GRK2: variants seen among roughly 807,000 people sequenced by gnomAD.
The protein encoded by GRK2 is adrenergic beta receptor kinase 1.
In GRK2, 23 loss-of-function variants were observed where a neutral mutation model predicts 97.8. That is an observed-to-expected ratio of 0.24 (90% confidence interval 0.17 to 0.33). The LOEUF is 0.33. Among genes scored for constraint, GRK2 ranks in the 10% least tolerant of loss-of-function variants. GRK2 has a pLI of 1.00. For missense variants in GRK2, 633 were observed against 956.9 expected (o/e 0.66, Z 4.47); for synonymous variants, 425 against 381.7 (o/e 1.11, Z -1.32).
intron 1 of GRK2, among the ~76,000 whole-genome samples, chr11:67,274,116 G>A (rs1306092601): frequency 1.3e-5 from 2 of 151,190 alleles, no homozygotes; most frequent in African/African-American, 4.9e-5. Flanking sequence ...GGGTTCAAGC[G>A]ATTCTTCTGC....
intron 2 of GRK2, among the ~76,000 whole-genome samples, chr11:67,278,120 A>G (rs1008103046): frequency 6.6e-6 from 1 of 152,220 alleles, no homozygotes; most frequent in African/African-American, 2.4e-5. Context: ...CATGAGTCCG[A>G]CTGTGCAGGC....
At position 67,286,490 on chromosome 11, in the gene GRK2, G is replaced by C. The variant is rs1385516817; in HGVS notation, c.*1040G>C. On this transcript the variant is annotated 3_prime_UTR_variant, in exon 21 of 21. Coordinates refer to ENST00000308595, the MANE Select transcript of GRK2 (RefSeq NM_001619.5). The stretch of plus-strand genomic sequence containing the variant: ...TCATTCCCCGGGGCGTTTCTTTGCC[G>C]ATTTTTGAATGTGATTTTAAAGAGT... 2.9e-6 allele frequency: 2 copies of C among 700,670 alleles called. No individual in the cohort carries two copies. The highest frequency in any genetic ancestry group is 1.5e-5 in the South Asian group (1 of 67,464). The allele number at this position is 700,670 out of a possible 1,614,324, so 43.4% of individuals were successfully genotyped here. A position where few individuals can be genotyped will look rare whatever the true frequency, so the allele number is the denominator to read the frequency against.
chr11:67,269,097 G>A lies in GRK2; in HGVS notation c.113+2285G>A, dbSNP rs1467360338. Among the ~76,000 whole-genome samples, 1 of 152,238 alleles carries A rather than the reference G, an allele frequency of 6.6e-6. No individual in the cohort carries two copies. Among genetic ancestry groups the A allele is most frequent in the Non-Finnish European group, 1.5e-5 (1 of 68,038 alleles). On this transcript the variant is annotated intron_variant, in intron 1 of 20. Coordinates refer to ENST00000308595, the MANE Select transcript of GRK2 (RefSeq NM_001619.5). The surrounding 1 kb of genome is among the most constrained non-coding windows in gnomAD (Gnocchi z 4.1). ...AAGGGCTACTGGCCACCCCTACATG[G>A]GGGTCCAGGCCTGGGGCATTAGGGA...
Position 67,286,425 on chromosome 11 carries a change from C to T in GRK2, c.*975C>T, listed in dbSNP as rs527336116. On this transcript the variant is annotated 3_prime_UTR_variant, in exon 21 of 21. Coordinates refer to ENST00000308595, the MANE Select transcript of GRK2 (RefSeq NM_001619.5). ...GCCTGTGTGGTGTCGCGCCTTCTCC[C>T]CCCCGGGGCTGGGTTGGCGCACCCT... 7 of 699,870 alleles carry T rather than the reference C, an allele frequency of 1.0e-5. No homozygotes were observed. Among genetic ancestry groups the T allele is most frequent in the African/African-American group, 5.2e-5 (3 of 57,156 alleles). The allele number at this position is 699,870 out of a possible 1,614,324, so 43.4% of individuals were successfully genotyped here.
rs1320861437 is a variant in GRK2, at chr11:67,279,660, G to C, written c.401G>C (p.Gly134Ala). ...FSKSATEHVQ[G>A]HLGKKQVPPD... ...AAGAGTGCCACTGAGCATGTCCAAG[G>C]CCACCTGGGGAAGAAGCAGGTGCCT... The change falls in exon 5 of 21, where the codon GGC (glycine) becomes GCC (alanine). Residue 134 changes from glycine (G) to alanine (A), a missense_variant. Around this residue, in one of 4 missense-constraint regions of GRK2, gnomAD observed 193 missense variants for 212.2 expected, o/e 0.91. Transcript: ENST00000308595. 1.2e-6 allele frequency: 2 copies of C among 1,613,536 alleles called. No homozygotes were observed. The highest frequency in any genetic ancestry group is 1.3e-5 in the African/African-American group (1 of 75,028).
At chr11:67,280,876 A>G (rs1376490689) in intron 7 of GRK2, 93 bp downstream of exon 7, 1 of 1,451,434 alleles carries the variant, frequency 6.9e-7, no homozygotes, top group Non-Finnish European at 9.6e-7. Flanking sequence ...GGGGGAGGTC[A>G]GGGGATGTCT....
intron 6 of GRK2, chr11:67,280,375 G>C: frequency 2.4e-6 from 1 of 418,682 alleles, no homozygotes; most frequent in East Asian, 5.1e-5. Context: ...CAGCCATGGA[G>C]TGAGCTCTGT....
rs768122948 is a variant in GRK2, at chr11:67,285,453, C to T, written c.*3C>T. ...GCGGCAGTGCCAACGGCCTCTGACC[C>T]GCCCACCCGCCTTTTATAAACCTCT... On this transcript the variant is annotated 3_prime_UTR_variant, in exon 21 of 21. Coordinates refer to ENST00000308595, the MANE Select transcript of GRK2 (RefSeq NM_001619.5). 1.1e-4 allele frequency: 161 copies of T among 1,533,192 alleles called. No homozygotes were observed. The highest frequency in any genetic ancestry group is 1.3e-4 in the Non-Finnish European group (143 of 1,142,508). 95.0% of individuals were successfully genotyped at this position (1,533,192 alleles called of 1,614,324 possible).
intron 17 of GRK2, 24 bp from the exon 18 acceptor site, chr11:67,284,187 C>A: frequency 2.5e-6 from 4 of 1,613,312 alleles, no homozygotes; most frequent in Non-Finnish European, 2.5e-6. Flanking sequence ...ACCCATGTGC[C>A]CCTGCCCCAT....
In GRK2 at chr11:67,283,739, G is replaced by T. The variant is rs746293222; in HGVS notation, c.1361G>T (p.Arg454Leu). 1.7e-5 allele frequency: 28 copies of T among 1,613,566 alleles called. No individual in the cohort carries two copies. Among genetic ancestry groups the T allele is most frequent in the Middle Eastern group, 1.7e-4 (1 of 6,010 alleles). The change falls in exon 16 of 21, where the codon CGC becomes CTC. Residue 454 changes from arginine (R) to leucine (L), a missense_variant. Arg to Leu is a moderately radical substitution (Grantham distance 102). Around this residue, in one of 4 missense-constraint regions of GRK2, gnomAD observed 68 missense variants for 71.0 expected, o/e 0.96. Coordinates refer to ENST00000308595, the MANE Select transcript of GRK2 (RefSeq NM_001619.5). Reference protein sequence around the residue: ...AQEVKESPFFRSLDWQMVFLQ... With the variant: ...AQEVKESPFFLSLDWQMVFLQ... ...GAGGTGAAAGAGAGCCCCTTTTTCCGCTCCCTGGACTGGCAGATGGTCTTC... is the reference window on the plus strand; with the variant it reads ...GAGGTGAAAGAGAGCCCCTTTTTCCTCTCCCTGGACTGGCAGATGGTCTTC...
At position 67,281,300 on chromosome 11, in the gene GRK2, T is replaced by G; in HGVS notation, c.647+116T>G. 9.1e-7 allele frequency: 1 copy of G among 1,104,386 alleles called. No homozygotes were observed. The highest frequency in any genetic ancestry group is 1.3e-6 in the Non-Finnish European group (1 of 750,914). 68.4% of individuals were successfully genotyped at this position (1,104,386 alleles called of 1,614,324 possible). A position where few individuals can be genotyped will look rare whatever the true frequency, so the allele number is the denominator to read the frequency against. ...TGCTCCATGCACTCCTGTCTTGCCG[T>G]GCTGTTACCCCCGCAGGCTCCTCTG... On this transcript the variant is annotated intron_variant, in intron 8 of 20. Transcript: ENST00000308595. The surrounding 1 kb of genome is among the most constrained non-coding windows in gnomAD (Gnocchi z 5.7).
chr11:67,285,119 G>A lies in GRK2; in HGVS notation c.1836G>A (p.Thr612=), dbSNP rs759687183. The stretch of plus-strand genomic sequence containing the variant: ...AGGAGATCCAGTCGGTGGAGGAGAC[G>A]CAGATCAAGGAGCGCAAGTGCCTGC... ...TMEEIQSVEE[T]QIKERKCLLL... Residue 612 remains threonine (T), a synonymous_variant, in exon 20 of 21, where the codon ACG becomes ACA. Coordinates refer to ENST00000308595, the MANE Select transcript of GRK2 (RefSeq NM_001619.5). The A allele has an allele frequency of 1.5e-5, 25 of 1,613,480 alleles. No individual in the cohort carries two copies. The highest frequency in any genetic ancestry group is 4.5e-5 in the East Asian group (2 of 44,896).
chr11:67,284,357 G>A lies in GRK2; in HGVS notation c.1638G>A (p.Gln546=). Residue 546 remains glutamine, a synonymous_variant, in exon 18 of 21, where the codon CAG becomes CAA. Transcript: ENST00000308595. The part of the protein sequence containing the change: ...LEARKKAKNK[Q]LGHEEDYALG... ...CTCGCAAGAAAGCCAAGAACAAGCA[G>A]CTGGGCCATGAGGAAGGTGAGGGTC... is the stretch of plus-strand genomic sequence containing the variant. 1 of 1,612,706 alleles carries A rather than the reference G, an allele frequency of 6.2e-7. No individual in the cohort carries two copies. Among genetic ancestry groups the A allele is most frequent in the Non-Finnish European group, 8.5e-7 (1 of 1,179,954 alleles).
intron 1 of GRK2, among the ~76,000 whole-genome samples, chr11:67,274,088 C>G (rs986137032): frequency 6.7e-6 from 1 of 150,364 alleles, no homozygotes; most frequent in Admixed American, 6.7e-5. Context: ...TTTTGGCTCA[C>G]TGCAACCTCT....
chr11:67,280,578 C>A, intron 6 of GRK2, 154 bp from the exon 7 acceptor site: 4 of 900,590 alleles, frequency 4.4e-6, no homozygotes, highest in Non-Finnish European at 1.8e-6. Context: ...AGGCCCTCAA[C>A]ATATCCTTCC....
chr11:67,267,264 C>T (rs1016319430), intron 1 of GRK2, among the ~76,000 whole-genome samples: 4 of 152,252 alleles, frequency 2.6e-5, no homozygotes, highest in African/African-American at 9.6e-5. Flanking sequence ...ATGTCACCCA[C>T]CCTTTTGCTG....
chr11:67,267,897 C>T (rs1004950335), intron 1 of GRK2, among the ~76,000 whole-genome samples: 1 of 152,234 alleles, frequency 6.6e-6, no homozygotes, highest in Non-Finnish European at 1.5e-5. Flanking sequence ...TGGCACCTGG[C>T]CAACAGATCA....
At position 67,273,824 on chromosome 11, in the gene GRK2, TC is replaced by T. The variant is rs1468572944; in HGVS notation, c.114-3445del. Among the ~76,000 whole-genome samples, 4 of 152,098 alleles carry T rather than the reference TC, an allele frequency of 2.6e-5. No individual in the cohort carries two copies. In the East Asian group the frequency reaches 5.8e-4, roughly 22 times the overall value. On this transcript the variant is annotated intron_variant, in intron 1 of 20. Transcript: ENST00000308595. ...AGCCCCGGGTCCTGCTTCCTGCTGT[TC>T]CCAGGCCGGGGCTGACAGCAGAGCC...
Position 67,275,088 on chromosome 11 carries a change from G to A in GRK2, c.114-2184G>A, listed in dbSNP as rs553109083. 3.9e-5 allele frequency among the ~76,000 whole-genome samples: 6 copies of A among 152,310 alleles called. No homozygotes were observed. The East Asian group carries it at 1.2e-3, about 29-fold the overall frequency. ...GAGGCCGCGGCCCCTCCCAGCCTCT[G>A]AGGGTGGGGAGCAGGCCAGGGGGTC... On this transcript the variant is annotated intron_variant, in intron 1 of 20. Coordinates refer to ENST00000308595, the MANE Select transcript of GRK2 (RefSeq NM_001619.5).
Sources: gnomAD v4.1 joint callset for allele counts (sites outside exome capture counted in the v4.1 genomes callset) on GRCh38, gnomAD v4.1.1 for gene constraint, gnomAD v4.1.1 regional missense constraint, Gnocchi (gnomAD v3.1) non-coding constraint, MANE v1.5 for transcripts, NCBI Gene and HGNC (gene_info 2026-07-23, HGNC 2026-07-21) for gene names.